ENTPD1: variants seen among roughly 807,000 people sequenced by gnomAD.
ENTPD1 encodes ectonucleoside triphosphate diphosphohydrolase 1.
A neutral mutation model predicts 57.0 loss-of-function variants in ENTPD1; 33 were observed. The ratio of observed to expected loss-of-function variants is 0.58; its 90% confidence interval spans 0.44 to 0.77. ENTPD1 has a LOEUF of 0.77. ENTPD1 is among the 30% of genes least tolerant of loss of function. The pLI is 0.00. For synonymous variants in ENTPD1, 202 were observed against 218.8 expected (o/e 0.92, Z 0.68); for missense variants, 501 against 603.4 (o/e 0.83, Z 1.78).
chr10:95,742,239 C>T (rs1266116094), intron 1 of ENTPD1, among the ~76,000 whole-genome samples: 2 of 152,168 alleles, frequency 1.3e-5, no homozygotes, highest in Non-Finnish European at 2.9e-5. Flanking sequence ...GGGCACTTAA[C>T]GGTTGGTTAG....
Position 95,870,448 on chromosome 10 carries a change from A to T in ENTPD1, c.*4065A>T. 1.5e-6 allele frequency: 1 copy of T among 684,634 alleles called. No individual in the cohort carries two copies. The highest frequency in any genetic ancestry group is 1.8e-6 in the Non-Finnish European group (1 of 556,446). The allele number at this position is 684,634 out of a possible 1,614,324, so 42.4% of individuals were successfully genotyped here. ...CAGGTGTGCACCACCATGTCTAGCT[A>T]TTTTTTTTTCTGTAGAGACAGGGTT... is the stretch of plus-strand genomic sequence containing the variant. On this transcript the variant is annotated 3_prime_UTR_variant, in exon 10 of 10. Coordinates refer to ENST00000371205, the MANE Select transcript of ENTPD1 (RefSeq NM_001776.6).
intron 3 of ENTPD1, 93 bp from the exon 4 acceptor site, chr10:95,842,251 T>C (rs1006894610): frequency 1.3e-5 from 16 of 1,211,400 alleles, no homozygotes; most frequent in Non-Finnish European, 1.8e-5. Context: ...TTTCTTGTAT[T>C]TTTTTCAAAA....
At chr10:95,820,994 G>A (rs1255512342) in intron 1 of ENTPD1, among the ~76,000 whole-genome samples, 1 of 152,162 alleles carries the variant, frequency 6.6e-6, no homozygotes, top group Non-Finnish European at 1.5e-5. Context: ...ATAGCTTGAG[G>A]GAGTAAAACA....
intron 1 of ENTPD1, among the ~76,000 whole-genome samples, chr10:95,762,316 G>C (rs2098068296): frequency 1.4e-5 from 2 of 147,952 alleles, no homozygotes; most frequent in African/African-American, 5.0e-5. Context: ...GCCCATTAAA[G>C]AAAACATGAT....
chr10:95,845,216 G>T (rs2098432392), intron 5 of ENTPD1, 141 bp from the exon 6 acceptor site: 8 of 1,101,740 alleles, frequency 7.3e-6, no homozygotes, highest in Non-Finnish European at 1.1e-5. Context: ...ATAATCTGTT[G>T]TAGATCAGGA....
upstream of ENTPD1, among the ~76,000 whole-genome samples, chr10:95,710,170 G>A (rs558252876): frequency 5.9e-5 from 9 of 152,118 alleles, no homozygotes; most frequent in South Asian, 6.2e-4. Context: ...TTTGGGAGAC[G>A]GAGGCGGACA....
intron 1 of ENTPD1, among the ~76,000 whole-genome samples, chr10:95,724,428 C>T (rs1051622536): frequency 3.9e-5 from 6 of 152,120 alleles, no homozygotes; most frequent in Non-Finnish European, 5.9e-5. Context: ...TCCAAGATGG[C>T]GGCAAGCCTC....
In ENTPD1 at chr10:95,756,244, A is replaced by G; in HGVS notation, c.5A>G (p.Glu2Gly). The G allele has an allele frequency of 6.3e-7, 1 of 1,595,396 alleles. No individual in the cohort carries two copies. Among genetic ancestry groups the G allele is most frequent in the Non-Finnish European group, 8.5e-7 (1 of 1,170,016 alleles). Residue 2 changes from glutamate to glycine, a missense_variant, in exon 1 of 10, where the codon GAA becomes GGA. Glu to Gly is a moderately conservative substitution (Grantham distance 98). Coordinates refer to ENST00000371205, the MANE Select transcript of ENTPD1 (RefSeq NM_001776.6). Reference sequence around the variant, plus strand: ...GGAAAACAAAAGCTGCTACTTATGGAAGATACAAAGGGTAAGACCAAAATT... The same window carrying G: ...GGAAAACAAAAGCTGCTACTTATGGGAGATACAAAGGGTAAGACCAAAATT... M[E>G]DTKESNVKTF...
intron 1 of ENTPD1, among the ~76,000 whole-genome samples, chr10:95,801,628 G>A (rs1249889332): frequency 1.3e-5 from 2 of 151,892 alleles, no homozygotes; most frequent in Admixed American, 6.6e-5. Flanking sequence ...GTGCAATGGC[G>A]TGATCTCTGC....
intron 7 of ENTPD1, among the ~76,000 whole-genome samples, chr10:95,849,469 G>A (rs2098441156): frequency 6.6e-6 from 1 of 152,204 alleles, no homozygotes; most frequent in South Asian, 2.1e-4. Flanking sequence ...ACCCCAGCAA[G>A]AGAGTTTCTC....
At chr10:95,819,592 C>T (rs889326396) in intron 1 of ENTPD1, among the ~76,000 whole-genome samples, 4 of 152,188 alleles carry the variant, frequency 2.6e-5, no homozygotes, top group African/African-American at 9.7e-5. Context: ...TATTTTTCCT[C>T]TGACACAGCT....
intron 1 of ENTPD1, among the ~76,000 whole-genome samples, chr10:95,749,884 T>A (rs6584022): frequency 1.3e-5 from 2 of 151,924 alleles, no homozygotes; most frequent in Non-Finnish European, 2.9e-5. Flanking sequence ...ATTATTATAG[T>A]TTCTGGGTTG....
intron 1 of ENTPD1, among the ~76,000 whole-genome samples, chr10:95,736,665 G>T (rs1449307203): frequency 2.0e-5 from 3 of 152,128 alleles, no homozygotes; most frequent in Admixed American, 6.5e-5. Context: ...TCCTGGTGTA[G>T]TTATCCTCCC....
At chr10:95,851,011 G>C (rs1219334438) in intron 7 of ENTPD1, among the ~76,000 whole-genome samples, 2 of 152,202 alleles carry the variant, frequency 1.3e-5, no homozygotes, top group African/African-American at 2.4e-5. Flanking sequence ...TGTAGCCTTG[G>C]TTGCTAAACA....
chr10:95,771,385 C>G (rs2098115383), intron 1 of ENTPD1, among the ~76,000 whole-genome samples: 1 of 152,046 alleles, frequency 6.6e-6, no homozygotes. Context: ...GGATCAATTC[C>G]TAAAAGTAGA....
chr10:95,698,146 T>G, the ENTPD1 span, among the ~76,000 whole-genome samples: 215 of 152,250 alleles, frequency 1.4e-3, 1 homozygote, highest in South Asian at 4.1e-3. Flanking sequence ...AAGGTGGTAT[T>G]GGAAAATGGA....
intron 1 of ENTPD1, among the ~76,000 whole-genome samples, chr10:95,740,025 A>G (rs1286106335): frequency 6.6e-6 from 1 of 152,246 alleles, no homozygotes; most frequent in Non-Finnish European, 1.5e-5. Context: ...AGCAGCAGCC[A>G]TCAACAGTTA....
intron 1 of ENTPD1, among the ~76,000 whole-genome samples, chr10:95,822,310 T>G (rs1022738184): frequency 6.6e-6 from 1 of 151,226 alleles, no homozygotes; most frequent in Non-Finnish European, 1.5e-5. Flanking sequence ...GGTTATTATT[T>G]TTTTGAGATG....
intron 1 of ENTPD1, among the ~76,000 whole-genome samples, chr10:95,802,443 G>T (rs1432075410): frequency 1.3e-5 from 2 of 151,576 alleles, no homozygotes; most frequent in Non-Finnish European, 2.9e-5. Flanking sequence ...TGTTTTGAAT[G>T]ATTTATTTCC....
Sources: allele counts gnomAD v4.1 joint callset (sites outside exome capture counted in the v4.1 genomes callset), GRCh38; gene constraint gnomAD v4.1.1; transcripts MANE v1.5; gene names NCBI Gene and HGNC (gene_info 2026-07-23, HGNC 2026-07-21).